SEMA3B: variants seen among roughly 807,000 people sequenced by gnomAD.
The protein encoded by SEMA3B is semaphorin 3B.
Under a neutral mutation model 77.8 loss-of-function variants are expected in SEMA3B, and 71 were observed. The observed-to-expected ratio is 0.91, with a 90% CI of 0.75 to 1.11. The LOEUF is 1.11. Among genes scored for constraint, SEMA3B ranks in the 50% most tolerant of loss-of-function variants. SEMA3B has a pLI of 0.00. For synonymous variants in SEMA3B, 470 were observed against 452.9 expected (o/e 1.04, Z -0.48); for missense variants, 968 against 1,056.8 (o/e 0.92, Z 1.17).
the SEMA3B span, chr3:50,261,426 A>G: frequency 6.6e-6 from 1 of 152,324 alleles, no homozygotes; most frequent in African/African-American, 2.4e-5. Flanking sequence ...GAACTTTGGT[A>G]TTTTTAACCC....
In SEMA3B at chr3:50,277,106, G is replaced by A; in HGVS notation, c.*400G>A. 4.6e-6 allele frequency: 1 copy of A among 216,130 alleles called. No homozygotes were observed. The highest frequency in any genetic ancestry group is 9.9e-5 in the East Asian group (1 of 10,146). The allele number at this position is 216,130 out of a possible 1,614,324, so 13.4% of individuals were successfully genotyped here. ...GGAGGTGGGGCGAGGCAGGCCGACT[G>A]TACTAAAGTAACGCAATAAACGCAT... is the stretch of plus-strand genomic sequence containing the variant. On this transcript the variant is annotated 3_prime_UTR_variant, in exon 17 of 17. Coordinates refer to ENST00000616701, the MANE Select transcript of SEMA3B (RefSeq NM_001290060.2).
chr3:50,275,697 G>T lies in SEMA3B; in HGVS notation c.1706-8G>T. ...CTTGCCTAAATCTGACTTTCTTCTC[G>T]CCCCAAGACTCGTCTCGTCCCGCGC... On this transcript the variant is annotated splice_region_variant and splice_polypyrimidine_tract_variant and intron_variant, in intron 15 of 16. Coordinates refer to ENST00000616701, the MANE Select transcript of SEMA3B (RefSeq NM_001290060.2). The surrounding 1 kb of genome is among the most constrained non-coding windows in gnomAD (Gnocchi z 7.5). 3 of 1,611,668 alleles carry T rather than the reference G, an allele frequency of 1.9e-6. No individual in the cohort carries two copies. The highest frequency in any genetic ancestry group is 2.5e-6 in the Non-Finnish European group (3 of 1,178,360).
chr3:50,262,620 C>G (rs1040393129), upstream of SEMA3B: 5 of 152,212 alleles, frequency 3.3e-5, no homozygotes, highest in Admixed American at 2.6e-4. Context: ...GCACTAATAT[C>G]CAAGAGGAGC....
upstream of SEMA3B, among the ~76,000 whole-genome samples, chr3:50,268,571 TACAC>T (rs782534088): frequency 6.6e-6 from 1 of 152,194 alleles, no homozygotes; most frequent in Non-Finnish European, 1.5e-5. Flanking sequence ...CACATGCACA[TACAC>T]ACTACACACA....
Position 50,274,516 on chromosome 3 carries a change from A to G in SEMA3B, c.1291A>G (p.Thr431Ala). ...FLQVGANYTF[T>A]QIAADRVAAA... Reference sequence around the variant, plus strand: ...ACAAGTTGGAGCCAATTACACCTTCACTCAAATTGCCGCGGACCGGGTTGC... The same window carrying G: ...ACAAGTTGGAGCCAATTACACCTTCGCTCAAATTGCCGCGGACCGGGTTGC... Residue 431 changes from threonine to alanine, a missense_variant, in exon 11 of 17, where the codon ACT becomes GCT. Transcript: ENST00000616701. This position sits in a 1 kb window ranked among gnomAD's most constrained non-coding sequence, Gnocchi z 4.7. The G allele has an allele frequency of 6.4e-7, 1 of 1,572,662 alleles. No homozygotes were observed. The highest frequency in any genetic ancestry group is 1.2e-5 in the South Asian group (1 of 84,312).
Position 50,275,017 on chromosome 3 carries a change from G to A in SEMA3B, c.1455G>A (p.Ser485=), listed in dbSNP as rs369627145. The change falls in exon 13 of 17, where the codon TCG becomes TCA. Residue 485 remains serine (S), a synonymous_variant. Transcript: ENST00000616701. The surrounding 1 kb of genome is among the most constrained non-coding windows in gnomAD (Gnocchi z 7.5). The part of the protein sequence containing the change: ...LLEELHVFED[S]AAVTSMQISS... ...TCGCCCCTCCTCCCTCTCAGGACTC[G>A]GCCGCTGTCACCAGCATGCAAATTT... 6.9e-6 allele frequency: 11 copies of A among 1,592,054 alleles called. No homozygotes were observed. The highest frequency in any genetic ancestry group is 8.6e-6 in the Non-Finnish European group (10 of 1,166,062).
Position 50,276,621 on chromosome 3 carries a change from A to C in SEMA3B, c.2165A>C (p.Glu722Ala). The change falls in exon 17 of 17, where the codon GAG becomes GCG. Residue 722 changes from glutamate to alanine, a missense_variant. Physicochemically the swap from Glu to Ala is moderately radical, Grantham distance 107. Transcript: ENST00000616701. This position sits in a 1 kb window ranked among gnomAD's most constrained non-coding sequence, Gnocchi z 5.8. ...PQPALQSLPLESRRKGRNRRT... is the reference protein window; with the variant it reads ...PQPALQSLPLASRRKGRNRRT... ...CCTGCGCTGCAGTCACTGCCCCTGGAGTCGCGGAGAAAGGGCCGTAACCGG... is the reference window on the plus strand; with the variant it reads ...CCTGCGCTGCAGTCACTGCCCCTGGCGTCGCGGAGAAAGGGCCGTAACCGG... 1 of 1,592,080 alleles carries C rather than the reference A, an allele frequency of 6.3e-7. No homozygotes were observed. Among genetic ancestry groups the C allele is most frequent in the African/African-American group, 1.3e-5 (1 of 74,326 alleles).
rs1553705980 is a variant in SEMA3B, at chr3:50,273,997, G to A, written c.1077G>A (p.Glu359=). 4 of 1,613,736 alleles carry A rather than the reference G, an allele frequency of 2.5e-6. No homozygotes were observed. The South Asian group carries it at 3.3e-5, about 13-fold the overall frequency. The change falls in exon 10 of 17, where the codon GAG becomes GAA. Residue 359 remains glutamate, a synonymous_variant. Coordinates refer to ENST00000616701, the MANE Select transcript of SEMA3B (RefSeq NM_001290060.2). The surrounding 1 kb of genome is among the most constrained non-coding windows in gnomAD (Gnocchi z 6.5). ...TCTTGGGACCCTTTGCACACAAGGA[G>A]GGGCCCATGCACCAGTGGGTGTCAT... The part of the protein sequence containing the change: ...RAFLGPFAHK[E]GPMHQWVSYQ...
At position 50,273,418 on chromosome 3, in the gene SEMA3B, T is replaced by G. The variant is rs1470422153; in HGVS notation, c.785T>G (p.Val262Gly). 7 of 1,613,574 alleles carry G rather than the reference T, an allele frequency of 4.3e-6. No homozygotes were observed. The highest frequency in any genetic ancestry group is 5.9e-6 in the Non-Finnish European group (7 of 1,179,820). The change falls in exon 7 of 17, where the codon GTG becomes GGG. Residue 262 changes from valine to glycine, a missense_variant. Transcript: ENST00000616701. The surrounding 1 kb of genome is among the most constrained non-coding windows in gnomAD (Gnocchi z 6.5). ...EAAPALGRLS[V>G]SRVGQICRND... ...GCGCCGGCACTGGGACGCCTGTCCG[T>G]GTCCCGCGTTGGCCAGATCTGCCGG...
chr3:50,276,716 C>T lies in SEMA3B; in HGVS notation c.*10C>T, dbSNP rs1318919568. ...CGCAACGCACTGGTGACCAGACTGT[C>T]CCCACGCCGGGAACCAAGCAGGAGA... On this transcript the variant is annotated 3_prime_UTR_variant, in exon 17 of 17. Transcript: ENST00000616701. The surrounding 1 kb of genome is among the most constrained non-coding windows in gnomAD (Gnocchi z 5.8). The T allele has an allele frequency of 1.3e-6, 2 of 1,485,720 alleles. No homozygotes were observed. Among genetic ancestry groups the T allele is most frequent in the Non-Finnish European group, 1.8e-6 (2 of 1,127,116 alleles). The allele number at this position is 1,485,720 out of a possible 1,614,324, so 92.0% of individuals were successfully genotyped here. A position where few individuals can be genotyped will look rare whatever the true frequency, so the allele number is the denominator to read the frequency against.
chr3:50,274,737 T>C lies in SEMA3B; in HGVS notation c.1358-106T>C. ...CAACCCACACTCTTCCAGTCCACACTCTTCACAACCCAAACATGCTGAGGG... is the reference window on the plus strand; with the variant it reads ...CAACCCACACTCTTCCAGTCCACACCCTTCACAACCCAAACATGCTGAGGG... On this transcript the variant is annotated intron_variant, in intron 11 of 16. Transcript: ENST00000616701. This position sits in a 1 kb window ranked among gnomAD's most constrained non-coding sequence, Gnocchi z 4.7. 1 of 1,433,006 alleles carries C rather than the reference T, an allele frequency of 7.0e-7. No individual in the cohort carries two copies. Among genetic ancestry groups the C allele is most frequent in the Non-Finnish European group, 9.6e-7 (1 of 1,043,444 alleles). 88.8% of individuals were successfully genotyped at this position (1,433,006 alleles called of 1,614,324 possible).
At chr3:50,264,379 G>A (rs2109228954), upstream of SEMA3B, among the ~76,000 whole-genome samples, 1 of 152,316 alleles carries the variant, frequency 6.6e-6, no homozygotes, top group Middle Eastern at 3.4e-3. Context: ...CAGAGCTAAG[G>A]TGGCAGCAAG....
At position 50,270,207 on chromosome 3, in the gene SEMA3B, C is replaced by T. The variant is rs782016716; in HGVS notation, c.190C>T (p.Arg64Cys). Reference protein sequence around the residue: ...CYQALLVDEERGRLFVGAENH... With the variant: ...CYQALLVDEECGRLFVGAENH... ...CCAGGCCTTGCTGGTGGATGAGGAG[C>T]GTGGACGCCTGTTTGTGGGTGCCGA... is the stretch of plus-strand genomic sequence containing the variant. The change falls in exon 2 of 17, where the codon CGT becomes TGT. Residue 64 changes from arginine (R) to cysteine (C), a missense_variant. Coordinates refer to ENST00000616701, the MANE Select transcript of SEMA3B (RefSeq NM_001290060.2). The surrounding 1 kb of genome is among the most constrained non-coding windows in gnomAD (Gnocchi z 4.7). 1.6e-5 allele frequency: 26 copies of T among 1,607,930 alleles called. No individual in the cohort carries two copies. The highest frequency in any genetic ancestry group is 2.7e-5 in the African/African-American group (2 of 74,790).
rs1701169678 is a variant in SEMA3B at position 50,274,684 on chromosome 3, G to A, written c.1357+102G>A. On this transcript the variant is annotated intron_variant, in intron 11 of 16. Transcript: ENST00000616701. This position sits in a 1 kb window ranked among gnomAD's most constrained non-coding sequence, Gnocchi z 4.7. ...GTCCCATCTCCACATCCTTTCCTGGGCTGTGTCTCCACCCTGTGGATGCTG... is the reference window on the plus strand; with the variant it reads ...GTCCCATCTCCACATCCTTTCCTGGACTGTGTCTCCACCCTGTGGATGCTG... 7.0e-7 allele frequency: 1 copy of A among 1,429,454 alleles called. No individual in the cohort carries two copies. Among genetic ancestry groups the A allele is most frequent in the Non-Finnish European group, 9.6e-7 (1 of 1,046,162 alleles). The allele number at this position is 1,429,454 out of a possible 1,614,324, so 88.5% of individuals were successfully genotyped here.
chr3:50,270,144 G>T lies in SEMA3B; in HGVS notation c.127G>T (p.Gly43Cys), dbSNP rs782678174. Residue 43 changes from glycine to cysteine, a missense_variant, in exon 2 of 17, where the codon GGT becomes TGT. Physicochemically the swap from Gly to Cys is radical, Grantham distance 159. Coordinates refer to ENST00000616701, the MANE Select transcript of SEMA3B (RefSeq NM_001290060.2). The surrounding 1 kb of genome is among the most constrained non-coding windows in gnomAD (Gnocchi z 4.7). ...LSFQELQAWH[G>C]LQTFSLERTC... ...CCCTGCAGAGCTCCAGGCCTGGCAT[G>T]GTCTCCAGACTTTCAGCCTGGAGCG... 2 of 1,559,364 alleles carry T rather than the reference G, an allele frequency of 1.3e-6. No homozygotes were observed. The highest frequency in any genetic ancestry group is 1.9e-5 in the Admixed American group (1 of 51,692).
rs754978961 is a variant in SEMA3B, at chr3:50,273,637, G to C, written c.913G>C (p.Asp305His). 52 of 1,611,086 alleles carry C rather than the reference G, an allele frequency of 3.2e-5. No homozygotes were observed. The highest frequency in any genetic ancestry group is 4.2e-5 in the Non-Finnish European group (49 of 1,179,548). Residue 305 changes from aspartate to histidine, a missense_variant, in exon 8 of 17, where the codon GAT becomes CAT. Transcript: ENST00000616701. This position sits in a 1 kb window ranked among gnomAD's most constrained non-coding sequence, Gnocchi z 6.5. ...CGGCGTCGAGGGCGACACCCACTTC[G>C]ATCAGCTCCGTGAGTGCGGGAGTGG... is the stretch of plus-strand genomic sequence containing the variant. ...VPGVEGDTHF[D>H]QLQDVFLLSS...
rs587752277 is a variant in SEMA3B at position 50,276,392 on chromosome 3, G to A, written c.1936G>A (p.Ala646Thr). 1.4e-5 allele frequency: 22 copies of A among 1,536,314 alleles called. No homozygotes were observed. The African/African-American group carries it at 2.9e-4, about 20-fold the overall frequency. Reference sequence around the variant, plus strand: ...GGACTCGGGCGTGTACTTGTGCGCCGCCGTCGAGCAGGGCTTTACGCAACC... The same window carrying A: ...GGACTCGGGCGTGTACTTGTGCGCCACCGTCGAGCAGGGCTTTACGCAACC... ...RRDSGVYLCAAVEQGFTQPLR... is the reference protein window; with the variant it reads ...RRDSGVYLCATVEQGFTQPLR... The change falls in exon 17 of 17, where the codon GCC becomes ACC. Residue 646 changes from alanine (A) to threonine (T), a missense_variant. Transcript: ENST00000616701. The surrounding 1 kb of genome is among the most constrained non-coding windows in gnomAD (Gnocchi z 5.8).
Position 50,269,151 on chromosome 3 carries a change from C to T in SEMA3B, c.-90C>T. On this transcript the variant is annotated 5_prime_UTR_variant, in exon 1 of 17. Transcript: ENST00000616701. The surrounding 1 kb of genome is among the most constrained non-coding windows in gnomAD (Gnocchi z 4.0). ...CCCGCCCTCGCCCTCACTGCTGACTCCTCTTCCAGATCCTGGGGCAGAGTC... is the reference window on the plus strand; with the variant it reads ...CCCGCCCTCGCCCTCACTGCTGACTTCTCTTCCAGATCCTGGGGCAGAGTC... 1.0e-6 allele frequency: 1 copy of T among 967,382 alleles called. No individual in the cohort carries two copies. The highest frequency in any genetic ancestry group is 1.6e-6 in the Non-Finnish European group (1 of 631,594). 59.9% of individuals were successfully genotyped at this position (967,382 alleles called of 1,614,324 possible). A position where few individuals can be genotyped will look rare whatever the true frequency, so the allele number is the denominator to read the frequency against.
chr3:50,261,238 A>G, the SEMA3B span: 1 of 152,220 alleles, frequency 6.6e-6, no homozygotes, highest in Non-Finnish European at 1.5e-5. Flanking sequence ...CGCATGGAGA[A>G]CTGCAGCTGT....
Sources: allele counts gnomAD v4.1 joint callset (sites outside exome capture counted in the v4.1 genomes callset), GRCh38; gene constraint gnomAD v4.1.1; non-coding constraint Gnocchi (gnomAD v3.1); transcripts MANE v1.5; gene names NCBI Gene and HGNC (gene_info 2026-07-23, HGNC 2026-07-21).